PCYT1B: variants seen among roughly 807,000 people sequenced by gnomAD.
PCYT1B encodes choline-phosphate cytidylyltransferase B.
PCYT1B carries 10 observed loss-of-function variants against 26.4 expected under a neutral mutation model. That is an observed-to-expected ratio of 0.38 (90% CI 0.23 to 0.64). The LOEUF (loss-of-function observed/expected upper bound fraction) is 0.64. Ranked by LOEUF, PCYT1B falls within the 30% of genes least tolerant of loss-of-function variation. The probability of loss-of-function intolerance (pLI) is 0.56; values close to 1 mark genes in which losing one functional copy is unlikely to be tolerated. For missense variants in PCYT1B, 161 were observed against 292.7 expected, an observed-to-expected ratio of 0.55 and a Z score of 3.28; for synonymous variants, 131 against 108.4, an observed-to-expected ratio of 1.21 and a Z score of -1.29.
At chrX:24,656,021 C>CG (rs1926898766) in intron 1 of PCYT1B, among the ~76,000 whole-genome samples, 1 of 98,127 alleles carries the variant, frequency 1.0e-5, no homozygotes. Flanking sequence ...CCCAGCTACT[C>CG]GGGGCGCTGA....
At chrX:24,580,289 C>T (rs934765903) in intron 5 of PCYT1B, among the ~76,000 whole-genome samples, 1 of 112,828 alleles carries the variant, frequency 8.9e-6, no homozygotes, top group Non-Finnish European at 1.9e-5. Context: ...ATGGAAGGTG[C>T]TCAATAAATG....
intron 2 of PCYT1B, among the ~76,000 whole-genome samples, chrX:24,617,450 T>TTG (rs1356808848): frequency 1.7e-4 from 9 of 54,474 alleles, no homozygotes; most frequent in Non-Finnish European, 2.8e-4. Flanking sequence ...TATATTATTA[T>TTG]TATTTTTTTT....
At chrX:24,609,175 T>C (rs1263156040) in intron 2 of PCYT1B, among the ~76,000 whole-genome samples, 5 of 110,872 alleles carry the variant, frequency 4.5e-5, no homozygotes, top group African/African-American at 6.5e-5. Flanking sequence ...TGTTTTCTTT[T>C]TTTTTTTCTT....
intron 1 of PCYT1B, among the ~76,000 whole-genome samples, chrX:24,662,373 T>TG (rs1324460298): frequency 9.0e-6 from 1 of 111,528 alleles, no homozygotes; most frequent in Admixed American, 9.6e-5. Context: ...ATCTTGGGGC[T>TG]GGGGGTGCTG....
intron 2 of PCYT1B, among the ~76,000 whole-genome samples, chrX:24,615,122 A>T (rs751369438): frequency 1.8e-5 from 2 of 111,982 alleles, no homozygotes; most frequent in South Asian, 7.5e-4. Flanking sequence ...CCTCGGCCTG[A>T]TATTTGAAGT....
intron 6 of PCYT1B, among the ~76,000 whole-genome samples, chrX:24,577,361 G>C (rs1188463980): frequency 8.9e-6 from 1 of 112,439 alleles, no homozygotes; most frequent in African/African-American, 3.2e-5. Flanking sequence ...GCCGTTTAAA[G>C]AGAGTGAGCA....
At chrX:24,599,785 T>TA in intron 3 of PCYT1B, among the ~76,000 whole-genome samples, 1 of 112,498 alleles carries the variant, frequency 8.9e-6, no homozygotes, top group Non-Finnish European at 1.9e-5. Context: ...ATTTAAAAGT[T>TA]AAAAAATAGC....
intron 5 of PCYT1B, among the ~76,000 whole-genome samples, chrX:24,586,276 C>T (rs1215803727): frequency 8.9e-6 from 1 of 112,804 alleles, no homozygotes; most frequent in Non-Finnish European, 1.9e-5. Flanking sequence ...CGGGCTGCCT[C>T]ACAAGGCAGG....
chrX:24,590,302 T>C, intron 3 of PCYT1B, 128 bp from the exon 4 acceptor site: 1 of 524,366 alleles, frequency 1.9e-6, no homozygotes, highest in Non-Finnish European at 2.9e-6. Context: ...GTCATAATTG[T>C]ACTCAGTTTT....
At chrX:24,654,749 C>CAAAAAAAAA (rs574317952) in intron 1 of PCYT1B, among the ~76,000 whole-genome samples, 7 of 40,036 alleles carry the variant, frequency 1.7e-4, no homozygotes, top group Admixed American at 9.1e-4. Context: ...GACCCTGTCT[C>CAAAAAAAAA]AAAAAAAAAA....
At chrX:24,591,900 GT>G (rs1307625289) in intron 3 of PCYT1B, among the ~76,000 whole-genome samples, 2 of 111,356 alleles carry the variant, frequency 1.8e-5, no homozygotes, top group African/African-American at 6.5e-5. Flanking sequence ...TCATTTCTTT[GT>G]GGTAAGAACA....
intron 1 of PCYT1B, among the ~76,000 whole-genome samples, chrX:24,666,804 T>C (rs1261675695): frequency 9.0e-6 from 1 of 111,654 alleles, no homozygotes; most frequent in African/African-American, 3.3e-5. Flanking sequence ...CCATTTTCTT[T>C]ACCCCATAGT....
chrX:24,623,399 A>ATATATATATATATATATATATATATAT (rs1925767270), intron 1 of PCYT1B, among the ~76,000 whole-genome samples: 1 of 91,526 alleles, frequency 1.1e-5, no homozygotes, highest in Non-Finnish European at 2.2e-5. Context: ...ATATATATAT[A>ATATATATATATATATATATATATATAT]ACTTTAAATT....
At chrX:24,624,069 A>T (rs1177458279) in intron 1 of PCYT1B, among the ~76,000 whole-genome samples, 2 of 104,304 alleles carry the variant, frequency 1.9e-5, no homozygotes, top group Non-Finnish European at 3.9e-5. Context: ...TCCCGGGTTC[A>T]TGCCATTCTC....
In PCYT1B at chrX:24,560,587, C is replaced by T. The variant is rs1923373495; in HGVS notation, c.*1706G>A. ...CAAAGAGGTTCCAAGCCAGCTCAGC[C>T]TCATAGTTTTGCTTCACAGCAGACA... On this transcript the variant is annotated 3_prime_UTR_variant, in exon 8 of 8. Transcript: ENST00000379144. The T allele has an allele frequency of 8.9e-6, 1 of 112,002 alleles. No homozygotes were observed. The highest frequency in any genetic ancestry group is 3.3e-5 in the African/African-American group (1 of 30,701). 9.2% of individuals were successfully genotyped at this position (112,002 alleles called of 1,213,427 possible). A position where few individuals can be genotyped will look rare whatever the true frequency, so the allele number is the denominator to read the frequency against.
intron 5 of PCYT1B, among the ~76,000 whole-genome samples, chrX:24,585,777 G>A (rs889606667): frequency 9.0e-6 from 1 of 111,341 alleles, no homozygotes; most frequent in African/African-American, 3.3e-5. Flanking sequence ...CACATGTCAA[G>A]TGTATTTTTT....
In PCYT1B at chrX:24,665,937, T is replaced by C. The variant is rs752865931; in HGVS notation, c.63+6633A>G. Among the ~76,000 whole-genome samples the C allele has an allele frequency of 4.5e-5, 5 of 110,866 alleles. No individual in the cohort carries two copies. In the Admixed American group the frequency reaches 4.8e-4, roughly 11 times the overall value. On this transcript the variant is annotated intron_variant, in intron 1 of 7. Coordinates refer to the PCYT1B transcript ENST00000379145. ...AGAAGGTTGAGTCTGCCATCTGTGG[T>C]ATCTCTAGGTGGGTCTCGCCTGGCC... is the stretch of plus-strand genomic sequence containing the variant.
intron 2 of PCYT1B, among the ~76,000 whole-genome samples, chrX:24,613,537 T>A (rs1190038219): frequency 8.9e-6 from 1 of 111,806 alleles, no homozygotes; most frequent in Non-Finnish European, 1.9e-5. Context: ...ATAAGGCAGA[T>A]TCATTAAGGC....
At chrX:24,611,156 C>G (rs1400847904) in intron 2 of PCYT1B, among the ~76,000 whole-genome samples, 2 of 111,198 alleles carry the variant, frequency 1.8e-5, no homozygotes, top group African/African-American at 6.5e-5. Flanking sequence ...ACAGAGTAGA[C>G]AGAGGTGTGC....
Sources: gnomAD v4.1 joint callset for allele counts (sites outside exome capture counted in the v4.1 genomes callset) on GRCh38, gnomAD v4.1.1 for gene constraint, MANE v1.5 for transcripts, NCBI Gene and HGNC (gene_info 2026-07-23, HGNC 2026-07-21) for gene names.